The following NFIB variants were observed in gnomAD, a reference collection of about 807,000 sequenced individuals.
The protein encoded by NFIB is nuclear factor 1 B-type.
Under a neutral mutation model 61.5 loss-of-function variants are expected in NFIB, and 11 were observed. The ratio of observed to expected loss-of-function variants is 0.18; its 90% CI spans 0.11 to 0.30. The LOEUF is 0.30. Ranked by LOEUF, NFIB falls within the 10% of genes least tolerant of loss-of-function variation. The pLI, the probability that NFIB is intolerant of heterozygous loss-of-function variation, is 1.00. For missense variants in NFIB, 471 were observed against 608.9 expected (o/e 0.77, Z 2.38); for synonymous variants, 260 against 216.5 (o/e 1.20, Z -1.76).
At position 14,150,176 on chromosome 9, in the gene NFIB, G is replaced by T; in HGVS notation, c.775C>A (p.Leu259Ile). 1 of 1,613,484 alleles carries T rather than the reference G, an allele frequency of 6.2e-7. No individual in the cohort carries two copies. The highest frequency in any genetic ancestry group is 8.5e-7 in the Non-Finnish European group (1 of 1,179,566). ...GGTGGAGAAGACAGAGACCTCTGAA[G>T]ATTGACCCCCGAGTTCATGTCATGA... ...YYHDMNSGVNLQRSLSSPPSS... is the reference protein window; with the variant it reads ...YYHDMNSGVNIQRSLSSPPSS... The change falls in exon 5 of 11, where the codon CTT (leucine) becomes ATT (isoleucine). Residue 259 changes from leucine to isoleucine, a missense_variant. Physicochemically the swap from Leu to Ile is conservative, Grantham distance 5 (BLOSUM62 2). Around this residue, in one of 2 missense-constraint regions of NFIB, gnomAD observed 372 missense variants for 395.6 expected, o/e 0.94. Transcript: ENST00000380953.
intron 4 of NFIB, among the ~76,000 whole-genome samples, chr9:14,153,333 G>C (rs1416197273): frequency 6.6e-6 from 1 of 152,228 alleles, no homozygotes; most frequent in Admixed American, 6.6e-5. Flanking sequence ...TTTAATGACA[G>C]AGTGTGTGGG....
chr9:14,203,247 C>T (rs2049258987), intron 2 of NFIB, among the ~76,000 whole-genome samples: 1 of 152,100 alleles, frequency 6.6e-6, no homozygotes, highest in Non-Finnish European at 1.5e-5. Flanking sequence ...TTTCCATTCA[C>T]GGCAACATAA....
At chr9:14,405,081 T>C in the NFIB span, among the ~76,000 whole-genome samples, 1 of 152,312 alleles carries the variant, frequency 6.6e-6, no homozygotes, top group South Asian at 2.1e-4. Flanking sequence ...TTGTGGTTGA[T>C]AGAAATAGAT....
the NFIB span, among the ~76,000 whole-genome samples, chr9:14,517,702 ATCAG>A: frequency 6.6e-6 from 1 of 152,022 alleles, no homozygotes; most frequent in Non-Finnish European, 1.5e-5. Flanking sequence ...CTTTCTTTAC[ATCAG>A]TCAGCAAAAT....
chr9:14,271,978 C>T (rs2057657360), intron 2 of NFIB, among the ~76,000 whole-genome samples: 1 of 152,106 alleles, frequency 6.6e-6, no homozygotes, highest in South Asian at 2.1e-4. Context: ...AAAAACTTGT[C>T]ATGAAGTTAT....
At position 14,314,132 on chromosome 9, in the gene NFIB, G is replaced by A. The variant is rs1204590672; in HGVS notation, c.-621C>T. On this transcript the variant is annotated 5_prime_UTR_variant, in exon 1 of 11. Transcript: ENST00000380953. ...CATGTGTGTGCGCGAGGGGCAGCGTGAGCGAGTGCGCGCGGGTGGCGGGGC... is the reference window on the plus strand; with the variant it reads ...CATGTGTGTGCGCGAGGGGCAGCGTAAGCGAGTGCGCGCGGGTGGCGGGGC... The A allele has an allele frequency of 1.1e-5, 11 of 1,009,280 alleles. No individual in the cohort carries two copies. Among genetic ancestry groups the A allele is most frequent in the Non-Finnish European group, 1.3e-5 (11 of 845,998 alleles). The allele number at this position is 1,009,280 out of a possible 1,614,324, so 62.5% of individuals were successfully genotyped here. A position where few individuals can be genotyped will look rare whatever the true frequency, so the allele number is the denominator to read the frequency against.
chr9:14,123,784 A>G (rs1273693350), intron 7 of NFIB, among the ~76,000 whole-genome samples: 1 of 150,606 alleles, frequency 6.6e-6, no homozygotes, highest in Non-Finnish European at 1.5e-5. Flanking sequence ...TCTGCCTCCC[A>G]GTTTGCCCCT....
intron 10 of NFIB, among the ~76,000 whole-genome samples, chr9:14,103,737 G>A (rs1460478487): frequency 1.3e-5 from 2 of 151,984 alleles, no homozygotes; most frequent in South Asian, 2.1e-4. Context: ...TCCAAACCAC[G>A]TGTTTTAGTT....
the NFIB span, among the ~76,000 whole-genome samples, chr9:14,439,645 A>T: frequency 1.3e-5 from 2 of 152,244 alleles, no homozygotes; most frequent in Admixed American, 6.5e-5. Context: ...TGAGCCCCAG[A>T]AGTGGCCTGA....
chr9:14,524,414 A>G, the NFIB span, among the ~76,000 whole-genome samples: 1 of 152,200 alleles, frequency 6.6e-6, no homozygotes, highest in Non-Finnish European at 1.5e-5. Context: ...AACATAATGT[A>G]CTGTTCATCA....
chr9:14,426,800 C>T, the NFIB span, among the ~76,000 whole-genome samples: 6 of 152,258 alleles, frequency 3.9e-5, no homozygotes, highest in East Asian at 9.7e-4. Context: ...CAGGAACAGT[C>T]CTACTTCCCT....
At chr9:14,507,284 T>A in the NFIB span, among the ~76,000 whole-genome samples, 15 of 152,354 alleles carry the variant, frequency 9.8e-5, no homozygotes, top group South Asian at 3.1e-3. Flanking sequence ...ATACATTCTT[T>A]GAGGGAGCGT....
intron 2 of NFIB, among the ~76,000 whole-genome samples, chr9:14,205,954 C>A (rs2049643178): frequency 1.3e-5 from 2 of 152,108 alleles, no homozygotes; most frequent in Non-Finnish European, 2.9e-5. Context: ...CACACACACA[C>A]ACTTTTCCTG....
chr9:14,226,591 T>A (rs1484663299), intron 2 of NFIB, among the ~76,000 whole-genome samples: 1 of 151,764 alleles, frequency 6.6e-6, no homozygotes, highest in African/African-American at 2.4e-5. Flanking sequence ...CATATTAGTC[T>A]TAAAAAATAC....
rs2032315181 is a variant in NFIB, at chr9:14,083,283, A to C, written c.*5026T>G. ...GATGCAAAGGTCATTGTGCAGGGTCAAAGGGCAAAATCAGTGGTCCATGTT... is the reference window on the plus strand; with the variant it reads ...GATGCAAAGGTCATTGTGCAGGGTCCAAGGGCAAAATCAGTGGTCCATGTT... On this transcript the variant is annotated 3_prime_UTR_variant, in exon 11 of 11. Transcript: ENST00000380953. 1 of 226,016 alleles carries C rather than the reference A, an allele frequency of 4.4e-6. No individual in the cohort carries two copies. Among genetic ancestry groups the C allele is most frequent in the South Asian group, 1.8e-4 (1 of 5,434 alleles). 14.0% of individuals were successfully genotyped at this position (226,016 alleles called of 1,614,324 possible).
At chr9:14,346,294 C>CG (rs1554715697) in intron 1 of NFIB, among the ~76,000 whole-genome samples, 2 of 137,924 alleles carry the variant, frequency 1.5e-5, no homozygotes, top group Admixed American at 7.0e-5. Context: ...ACCGACACCC[C>CG]CCCCCCGTAA....
At chr9:14,146,631 T>G in intron 6 of NFIB, 58 bp downstream of exon 6, 1 of 1,611,134 alleles carries the variant, frequency 6.2e-7, no homozygotes, top group South Asian at 1.1e-5. Context: ...TCAACGAAAC[T>G]TAAGAAACGA....
the NFIB span, among the ~76,000 whole-genome samples, chr9:14,521,618 T>C: frequency 1.3e-5 from 1 of 78,550 alleles, no homozygotes; most frequent in Non-Finnish European, 3.3e-5. Flanking sequence ...GATGGTGATA[T>C]CTGAAAAATG....
chr9:14,120,605 T>G lies in NFIB; in HGVS notation c.1080A>C (p.Pro360=), dbSNP rs755719878. The part of the protein sequence containing the change: ...VAHSVISTRT[P]PPPSPLPFPT... ...GAAATGGCAACGGTGAAGGTGGAGGTGGAGTTCGAGTTGAGATGACTGCAG... is the reference window on the plus strand; with the variant it reads ...GAAATGGCAACGGTGAAGGTGGAGGGGGAGTTCGAGTTGAGATGACTGCAG... The change falls in exon 8 of 11, where the codon CCA becomes CCC. Residue 360 remains proline, a synonymous_variant. Coordinates refer to ENST00000380953, the MANE Select transcript of NFIB (RefSeq NM_001190737.2). The surrounding 1 kb of genome is among the most constrained non-coding windows in gnomAD (Gnocchi z 4.4). The G allele has an allele frequency of 1.2e-6, 2 of 1,610,048 alleles. No individual in the cohort carries two copies.
Sources: allele counts gnomAD v4.1 joint callset (sites outside exome capture counted in the v4.1 genomes callset), GRCh38; gene constraint gnomAD v4.1.1; regional missense constraint gnomAD v4.1.1; non-coding constraint Gnocchi (gnomAD v3.1); transcripts MANE v1.5; gene names NCBI Gene and HGNC (gene_info 2026-07-23, HGNC 2026-07-21).